Variants in RASSF3 observed in about 807,000 individuals in gnomAD.
The protein encoded by RASSF3 is Ras association domain family member 3, also known as ras association domain-containing protein 3.
In RASSF3, 19 loss-of-function variants were observed where a neutral mutation model predicts 19.9. The observed-to-expected ratio is 0.96, with a 90% confidence interval of 0.67 to 1.40. The LOEUF (loss-of-function observed/expected upper bound fraction) is 1.40. RASSF3 is among the 40% of genes most tolerant of loss of function. RASSF3 has a pLI of 0.00. For missense variants in RASSF3, 306 were observed against 289.8 expected, an observed-to-expected ratio of 1.06 and a Z score of -0.41; for synonymous variants, 110 against 104.2, an observed-to-expected ratio of 1.06 and a Z score of -0.34.
intron 1 of RASSF3, among the ~76,000 whole-genome samples, chr12:64,508,232 C>T (rs1202869782): frequency 2.0e-5 from 3 of 152,036 alleles, no homozygotes; most frequent in African/African-American, 4.8e-5. Context: ...AAACAAGTGA[C>T]GACTGGGCAC....
chr12:64,654,654 G>GT lies in RASSF3; in HGVS notation c.112-30133_112-30132insT, dbSNP rs1281214292. ...ACCGTGTTTCTTTGCGGGGGGGGGGGGGTGGGGGGAAGCCAGCCTGGCCAA... is the reference window on the plus strand; with the variant it reads ...ACCGTGTTTCTTTGCGGGGGGGGGGGTGGTGGGGGGAAGCCAGCCTGGCCAA... On this transcript the variant is annotated intron_variant, in intron 1 of 4. Transcript: ENST00000542104. The GT allele has an allele frequency of 4.4e-5, 3 of 68,572 alleles. No homozygotes were observed. The East Asian group carries it at 1.4e-3, about 33-fold the overall frequency. The allele number at this position is 68,572 out of a possible 1,614,324, so 4.2% of individuals were successfully genotyped here.
chr12:64,525,443 G>A (rs370923323), intron 1 of RASSF3, among the ~76,000 whole-genome samples: 3 of 152,268 alleles, frequency 2.0e-5, no homozygotes, highest in East Asian at 3.9e-4. Context: ...TGCTATGAAA[G>A]CATCCTCACT....
chr12:64,634,455 C>A (rs1256161958), intron 1 of RASSF3, among the ~76,000 whole-genome samples: 1 of 152,022 alleles, frequency 6.6e-6, no homozygotes, highest in African/African-American at 2.4e-5. Flanking sequence ...TGAGCCACTG[C>A]ACCCGGCACT....
intron 1 of RASSF3, among the ~76,000 whole-genome samples, chr12:64,684,025 TG>T: frequency 1.3e-5 from 2 of 150,492 alleles, no homozygotes; most frequent in Non-Finnish European, 3.0e-5. Flanking sequence ...TGTGTGTGTG[TG>T]TGTGTGTGTG....
Position 64,610,615 on chromosome 12 carries a change from C to G in RASSF3, c.-18C>G, listed in dbSNP as rs774936732. ...CTGCGCCCCGGGGAGGCCGCCCGCG[C>G]GCGACGGGACCGGCAGCATGAGCAG... is the stretch of plus-strand genomic sequence containing the variant. On this transcript the variant is annotated 5_prime_UTR_variant, in exon 1 of 5. Coordinates refer to ENST00000542104, the MANE Select transcript of RASSF3 (RefSeq NM_178169.4). 6.8e-7 allele frequency: 1 copy of G among 1,479,764 alleles called. No homozygotes were observed. Among genetic ancestry groups the G allele is most frequent in the Non-Finnish European group, 9.0e-7 (1 of 1,108,792 alleles). 91.7% of individuals were successfully genotyped at this position (1,479,764 alleles called of 1,614,324 possible).
chr12:64,689,560 C>T (rs1873495281), intron 3 of RASSF3, among the ~76,000 whole-genome samples: 1 of 152,132 alleles, frequency 6.6e-6, no homozygotes, highest in Non-Finnish European at 1.5e-5. Context: ...TAGAGAAGCT[C>T]GATGGCATTT....
At chr12:64,648,967 G>A (rs1046733473) in intron 1 of RASSF3, among the ~76,000 whole-genome samples, 17 of 151,504 alleles carry the variant, frequency 1.1e-4, no homozygotes, top group Non-Finnish European at 1.9e-4. Context: ...CACCATGCCC[G>A]GCTAATGATT....
At chr12:64,678,892 CTG>C (rs1342119459) in intron 1 of RASSF3, among the ~76,000 whole-genome samples, 1 of 152,172 alleles carries the variant, frequency 6.6e-6, no homozygotes. Context: ...AATGAGAAAA[CTG>C]AGGCCCAGAG....
At chr12:64,547,745 A>T (rs752338470) in intron 2 of RASSF3, among the ~76,000 whole-genome samples, 2 of 152,156 alleles carry the variant, frequency 1.3e-5, no homozygotes, top group Non-Finnish European at 2.9e-5. Context: ...ACTTTGATCG[A>T]TTTTTCAAAT....
chr12:64,660,062 A>ATATATGTG (rs137981564), intron 1 of RASSF3, among the ~76,000 whole-genome samples: 5 of 149,502 alleles, frequency 3.3e-5, no homozygotes, highest in African/African-American at 1.2e-4. Context: ...GTATATATAT[A>ATATATGTG]TGTGTGTGTG....
downstream of RASSF3, among the ~76,000 whole-genome samples, chr12:64,544,728 A>C (rs2136117846): frequency 6.6e-6 from 1 of 152,306 alleles, no homozygotes; most frequent in Middle Eastern, 3.4e-3. Context: ...GAATTACTGA[A>C]ACTAGGCAGC....
intron 1 of RASSF3, among the ~76,000 whole-genome samples, chr12:64,617,259 T>C (rs1870583598): frequency 1.3e-5 from 2 of 152,240 alleles, no homozygotes; most frequent in African/African-American, 4.8e-5. Context: ...TAACTCACTT[T>C]ATATACTTTC....
chr12:64,666,319 A>C (rs949326031), intron 1 of RASSF3, among the ~76,000 whole-genome samples: 13 of 152,174 alleles, frequency 8.5e-5, no homozygotes, highest in Admixed American at 5.9e-4. Flanking sequence ...AAGAAGGAAG[A>C]TAATTTTCTA....
At chr12:64,520,871 G>A (rs1278913212) in intron 1 of RASSF3, among the ~76,000 whole-genome samples, 1 of 152,066 alleles carries the variant, frequency 6.6e-6, no homozygotes, top group Non-Finnish European at 1.5e-5. Context: ...AAAGGAGCTA[G>A]AGATGACCTT....
chr12:64,548,339 G>GT (rs58298424), intron 2 of RASSF3, among the ~76,000 whole-genome samples: 1 of 151,294 alleles, frequency 6.6e-6, no homozygotes, highest in African/African-American at 2.4e-5. Flanking sequence ...TGCCCAGCTA[G>GT]TTTTTTTTAT....
upstream of RASSF3, among the ~76,000 whole-genome samples, chr12:64,608,668 T>C (rs1234499219): frequency 1.3e-5 from 2 of 152,238 alleles, no homozygotes; most frequent in Non-Finnish European, 2.9e-5. Flanking sequence ...AAAATTATTT[T>C]CCCCTTTCTA....
chr12:64,514,442 C>T (rs1001368662), intron 1 of RASSF3, among the ~76,000 whole-genome samples: 2 of 152,078 alleles, frequency 1.3e-5, no homozygotes, highest in African/African-American at 4.8e-5. Context: ...ACCTCAGCTT[C>T]CCAAAGTGCT....
intron 1 of RASSF3, among the ~76,000 whole-genome samples, chr12:64,677,862 G>A (rs1454027633): frequency 6.6e-5 from 10 of 152,264 alleles, no homozygotes; most frequent in South Asian, 2.1e-4. Flanking sequence ...TCTAGTTTAG[G>A]AGCATCTAAC....
chr12:64,654,228 C>T (rs1565862038), intron 1 of RASSF3: 1 of 152,110 alleles, frequency 6.6e-6, no homozygotes, highest in Non-Finnish European at 1.5e-5. Flanking sequence ...AATCTCGGCT[C>T]ACTGCAACCT....
Sources: gnomAD v4.1 joint callset for allele counts (sites outside exome capture counted in the v4.1 genomes callset) on GRCh38, gnomAD v4.1.1 for gene constraint, MANE v1.5 for transcripts, NCBI Gene and HGNC (gene_info 2026-07-23, HGNC 2026-07-21) for gene names.